TBC1D9B: variants seen among roughly 807,000 people sequenced by gnomAD.
The protein encoded by TBC1D9B is TBC1 domain family member 9B.
Under a neutral mutation model 121.1 loss-of-function variants are expected in TBC1D9B, and 87 were observed. The ratio of observed to expected loss-of-function variants is 0.72; its 90% CI spans 0.60 to 0.86. TBC1D9B has a LOEUF of 0.86. Among genes scored for constraint, TBC1D9B ranks in the 40% least tolerant of loss-of-function variants. TBC1D9B has a pLI of 0.00. For synonymous variants in TBC1D9B, 668 were observed against 670.1 expected (o/e 1.00, Z 0.05); for missense variants, 1,540 against 1,628.6 (o/e 0.95, Z 0.94).
Position 179,875,118 on chromosome 5 carries a change from A to C in TBC1D9B, c.1970T>G (p.Met657Arg). 6.2e-7 allele frequency: 1 copy of C among 1,614,016 alleles called. No homozygotes were observed. The highest frequency in any genetic ancestry group is 8.5e-7 in the Non-Finnish European group (1 of 1,180,022). Residue 657 changes from methionine to arginine, a missense_variant, in exon 12 of 21, where the codon ATG (methionine) becomes AGG (arginine). Physicochemically the swap from Met to Arg is moderately conservative, Grantham distance 91. Transcript: ENST00000355235. The surrounding 1 kb of genome is among the most constrained non-coding windows in gnomAD (Gnocchi z 4.5). The stretch of plus-strand genomic sequence containing the variant: ...GCTGGAGATCACCCCCAGGTCCTGC[A>C]TCTTCTCCGAGAGCTGCGGCAGGAA... ...RDFLPQLSEK[M>R]QDLGVISSIS...
At position 179,863,274 on chromosome 5, in the gene TBC1D9B, A is replaced by C; in HGVS notation, c.*174T>G. ...GCGCCAGGAGATGCAGGCCCAGGGA[A>C]TCTGTCTAAGGCAGCTGGGTCTGCA... is the stretch of plus-strand genomic sequence containing the variant. On this transcript the variant is annotated 3_prime_UTR_variant, in exon 21 of 21. Coordinates refer to ENST00000355235, the MANE Select transcript of TBC1D9B (RefSeq NM_015043.4). This position sits in a 1 kb window ranked among gnomAD's most constrained non-coding sequence, Gnocchi z 4.5. 27 of 682,768 alleles carry C rather than the reference A, an allele frequency of 4.0e-5. No homozygotes were observed. Among genetic ancestry groups the C allele is most frequent in the East Asian group, 5.9e-5 (2 of 33,768 alleles). 42.3% of individuals were successfully genotyped at this position (682,768 alleles called of 1,614,324 possible).
rs1417573978 is a variant in TBC1D9B, at chr5:179,900,462, GC to G, written c.230-1156del. On this transcript the variant is annotated intron_variant, in intron 2 of 20. Coordinates refer to ENST00000355235, the MANE Select transcript of TBC1D9B (RefSeq NM_015043.4). ...CAGCTGTCCGGGGGTGGGACAGGAGGCCCACCCACCAGGCATGAAGACAGCC... is the reference window on the plus strand; with the variant it reads ...CAGCTGTCCGGGGGTGGGACAGGAGGCCACCCACCAGGCATGAAGACAGCC... 2.6e-5 allele frequency among the ~76,000 whole-genome samples: 4 copies of G among 152,182 alleles called. No homozygotes were observed. In the East Asian group the frequency reaches 7.7e-4, roughly 29 times the overall value.
chr5:179,900,557 G>T (rs2113648882), intron 2 of TBC1D9B, among the ~76,000 whole-genome samples: 1 of 152,340 alleles, frequency 6.6e-6, no homozygotes, highest in East Asian at 1.9e-4. Context: ...CGAACACTGA[G>T]TTAGCGAATC....
chr5:179,907,888 AG>A lies in TBC1D9B; in HGVS notation c.-68del. 1 of 914,196 alleles carries A rather than the reference AG, an allele frequency of 1.1e-6. No individual in the cohort carries two copies. The highest frequency in any genetic ancestry group is 1.3e-6 in the Non-Finnish European group (1 of 768,850). 56.6% of individuals were successfully genotyped at this position (914,196 alleles called of 1,614,324 possible). On this transcript the variant is annotated 5_prime_UTR_variant, in exon 1 of 21. Transcript: ENST00000355235. The surrounding 1 kb of genome is among the most constrained non-coding windows in gnomAD (Gnocchi z 5.3). The stretch of plus-strand genomic sequence containing the variant: ...GCGCCCGCCGCCGTCGGCGTCCCGG[AG>A]CGGAGCGTGCGGAGCGGAGCGTGCG...
At chr5:179,894,328 C>G in intron 4 of TBC1D9B, 58 bp downstream of exon 4, 2 of 1,484,962 alleles carry the variant, frequency 1.3e-6, no homozygotes, top group African/African-American at 1.4e-5. Context: ...ATCTGGGGGC[C>G]GAAGGCAGGG....
At chr5:179,887,046 C>CA (rs1227576741) in intron 7 of TBC1D9B, among the ~76,000 whole-genome samples, 1 of 152,224 alleles carries the variant, frequency 6.6e-6, no homozygotes, top group East Asian at 1.9e-4. Flanking sequence ...ATGTGGAAGA[C>CA]ACTAGAAAAC....
chr5:179,863,859 G>C lies in TBC1D9B; in HGVS notation c.3291C>G (p.Asp1097Glu). ...AGDPQAKAGG[D>E]THLGKAPQES... ...CCTGTGGGGCTTTTCCGAGGTGTGT[G>C]TCTCCGCCTGCTTTGGCTTGGGGGT... is the stretch of plus-strand genomic sequence containing the variant. Residue 1097 changes from aspartate (D) to glutamate (E), a missense_variant, in exon 21 of 21, where the codon GAC (aspartate) becomes GAG (glutamate). Asp to Glu is a conservative substitution (Grantham distance 45). Coordinates refer to ENST00000355235, the MANE Select transcript of TBC1D9B (RefSeq NM_015043.4). This position sits in a 1 kb window ranked among gnomAD's most constrained non-coding sequence, Gnocchi z 4.5. The C allele has an allele frequency of 6.2e-7, 1 of 1,613,206 alleles. No homozygotes were observed. The highest frequency in any genetic ancestry group is 1.1e-5 in the South Asian group (1 of 91,068).
intron 10 of TBC1D9B, among the ~76,000 whole-genome samples, chr5:179,878,108 A>G (rs1293991696): frequency 6.6e-6 from 1 of 152,254 alleles, no homozygotes; most frequent in Admixed American, 6.5e-5. Flanking sequence ...GGACTCAGAC[A>G]AAAGTACAAA....
In TBC1D9B at chr5:179,878,292, C is replaced by T; in HGVS notation, c.1782+17G>A. The stretch of plus-strand genomic sequence containing the variant: ...TGGTGGCAGATGCTGTCTCTGGGCC[C>T]CTGTCAGGCCCCTTACCTGGCAGTA... On this transcript the variant is annotated intron_variant, in intron 10 of 20. Transcript: ENST00000355235. The T allele has an allele frequency of 6.2e-7, 1 of 1,603,662 alleles. No individual in the cohort carries two copies. Among genetic ancestry groups the T allele is most frequent in the Non-Finnish European group, 8.5e-7 (1 of 1,176,092 alleles).
chr5:179,888,248 T>C lies in TBC1D9B; in HGVS notation c.1109A>G (p.Lys370Arg), dbSNP rs771748035. Residue 370 changes from lysine (K) to arginine (R), a missense_variant, in exon 7 of 21, where the codon AAA becomes AGA. Coordinates refer to ENST00000355235, the MANE Select transcript of TBC1D9B (RefSeq NM_015043.4). ...VLPSPLSIST[K>R]SKMTFLFANL... ...GGCAAACAGGAATGTCATTTTGCTT[T>C]TGGTGCTGATGGACAGGGGGCTGGG... The C allele has an allele frequency of 2.5e-6, 4 of 1,611,836 alleles. No homozygotes were observed. In the South Asian group the frequency reaches 4.4e-5, roughly 18 times the overall value.
Position 179,891,349 on chromosome 5 carries a change from G to A in TBC1D9B, c.1044+30C>T. ...CCACTGACACCTCGGGGCTGGAAAGGCCTTGGCCTCTCAACTAGGGGATGC... is the reference window on the plus strand; with the variant it reads ...CCACTGACACCTCGGGGCTGGAAAGACCTTGGCCTCTCAACTAGGGGATGC... On this transcript the variant is annotated intron_variant, in intron 6 of 20. Coordinates refer to ENST00000355235, the MANE Select transcript of TBC1D9B (RefSeq NM_015043.4). This position sits in a 1 kb window ranked among gnomAD's most constrained non-coding sequence, Gnocchi z 4.3. 8 of 1,613,494 alleles carry A rather than the reference G, an allele frequency of 5.0e-6. No individual in the cohort carries two copies. Among genetic ancestry groups the A allele is most frequent in the Non-Finnish European group, 6.8e-6 (8 of 1,179,538 alleles).
intron 7 of TBC1D9B, among the ~76,000 whole-genome samples, chr5:179,886,536 A>T (rs1283379540): frequency 6.6e-6 from 1 of 152,108 alleles, no homozygotes; most frequent in Non-Finnish European, 1.5e-5. Flanking sequence ...ACCTTTCTTC[A>T]TGTCTGCAAT....
rs957437691 is a variant in TBC1D9B at position 179,885,592 on chromosome 5, C to G, written c.1254+2511G>C. The stretch of plus-strand genomic sequence containing the variant: ...TGACAGAGCAAGACTCTGTCCCCCC[C>G]CCAAAAAAAAAAAGATGGAGGTATT... On this transcript the variant is annotated intron_variant, in intron 7 of 20. Transcript: ENST00000355235. The surrounding 1 kb of genome is among the most constrained non-coding windows in gnomAD (Gnocchi z 4.5). Among the ~76,000 whole-genome samples the G allele has an allele frequency of 1.2e-4, 15 of 123,330 alleles. No individual in the cohort carries two copies. In the East Asian group the frequency reaches 1.6e-3, roughly 14 times the overall value. The allele number at this position is 123,330 out of a possible 152,430, so 80.9% of individuals were successfully genotyped here. A position where few individuals can be genotyped will look rare whatever the true frequency, so the allele number is the denominator to read the frequency against.
intron 7 of TBC1D9B, among the ~76,000 whole-genome samples, chr5:179,884,785 T>C (rs1285974285): frequency 2.0e-5 from 3 of 152,338 alleles, no homozygotes; most frequent in East Asian, 3.9e-4. Context: ...CTTCCACTTA[T>C]GTGCATTACC....
chr5:179,903,511 A>G (rs745485713), intron 2 of TBC1D9B, among the ~76,000 whole-genome samples: 16 of 152,176 alleles, frequency 1.1e-4, no homozygotes, highest in Non-Finnish European at 2.1e-4. Flanking sequence ...GAGTTAGCGA[A>G]TCCTGAACCA....
At chr5:179,878,590 G>A in intron 9 of TBC1D9B, 67 bp from the exon 10 acceptor site, 1 of 1,471,260 alleles carries the variant, frequency 6.8e-7, no homozygotes, top group Non-Finnish European at 9.2e-7. Flanking sequence ...TAACAGGGCA[G>A]GTTGGAGTCA....
rs537742997 is a variant in TBC1D9B at position 179,896,543 on chromosome 5, G to C, written c.349-1929C>G. 2.0e-5 allele frequency among the ~76,000 whole-genome samples: 3 copies of C among 151,630 alleles called. No individual in the cohort carries two copies. The East Asian group carries it at 5.8e-4, about 29-fold the overall frequency. The stretch of plus-strand genomic sequence containing the variant: ...TTTTGTCTAAATTCTTTTTTTTTTA[G>C]ACAGGGTCTCACTCTATTGCCCAGG... On this transcript the variant is annotated intron_variant, in intron 3 of 20. Transcript: ENST00000355235.
intron 6 of TBC1D9B, among the ~76,000 whole-genome samples, chr5:179,889,654 T>C (rs544036375): frequency 6.6e-6 from 1 of 152,028 alleles, no homozygotes; most frequent in South Asian, 2.1e-4. Context: ...GGAGGATCAC[T>C]TGAATCCTGA....
intron 1 of TBC1D9B, among the ~76,000 whole-genome samples, chr5:179,905,059 G>A (rs902495318): frequency 1.3e-5 from 2 of 152,204 alleles, no homozygotes; most frequent in African/African-American, 2.4e-5. Flanking sequence ...AACACTTGCA[G>A]GCAGAGGCAG....
Sources: allele counts gnomAD v4.1 joint callset (sites outside exome capture counted in the v4.1 genomes callset), GRCh38; gene constraint gnomAD v4.1.1; non-coding constraint Gnocchi (gnomAD v3.1); transcripts MANE v1.5; gene names NCBI Gene and HGNC (gene_info 2026-07-23, HGNC 2026-07-21).